MTCL3: variants seen among roughly 807,000 people sequenced by gnomAD.
MTCL3 encodes the protein microtubule cross-linking factor 3.
At chr6:127,475,160 GC>G in the MTCL3 span, 4 of 891,598 alleles carry the variant, frequency 4.5e-6, no homozygotes, top group Non-Finnish European at 6.5e-6. The surrounding 1 kb of genome is among the most constrained non-coding windows in gnomAD (Gnocchi z 7.3). Context: ...GGGGTTTCAG[GC>G]CCCAGCGCGG....
the MTCL3 span, among the ~76,000 whole-genome samples, chr6:127,507,918 T>C: frequency 1.3e-5 from 2 of 151,424 alleles, no homozygotes; most frequent in Non-Finnish European, 2.9e-5. Context: ...GAAGAAAAGC[T>C]TTTCTATGCT....
At chr6:127,486,287 T>C in the MTCL3 span, among the ~76,000 whole-genome samples, 1 of 152,236 alleles carries the variant, frequency 6.6e-6, no homozygotes, top group Non-Finnish European at 1.5e-5. Flanking sequence ...AGCTTTCAGG[T>C]GCCTTTAGGG....
At chr6:127,516,608 G>T in the MTCL3 span, 2 of 1,596,338 alleles carry the variant, frequency 1.3e-6, no homozygotes, top group South Asian at 2.2e-5. Context: ...ATTGGTGGCT[G>T]ACTCATGGCT....
the MTCL3 span, chr6:127,476,361 G>A: frequency 1.4e-5 from 22 of 1,614,038 alleles, no homozygotes; most frequent in Non-Finnish European, 1.9e-5. The surrounding 1 kb of genome is among the most constrained non-coding windows in gnomAD (Gnocchi z 4.4). Flanking sequence ...TCTGGAGCTC[G>A]TGTTCAAATC....
At chr6:127,475,310 G>A in the MTCL3 span, 33 of 1,607,666 alleles carry the variant, frequency 2.1e-5, no homozygotes, top group Admixed American at 1.7e-4. The surrounding 1 kb of genome is among the most constrained non-coding windows in gnomAD (Gnocchi z 7.3). Context: ...ACGGAAATGG[G>A]CTCCTCGGCG....
chr6:127,484,925 C>T, the MTCL3 span, among the ~76,000 whole-genome samples: 3 of 152,158 alleles, frequency 2.0e-5, no homozygotes, highest in African/African-American at 7.2e-5. Context: ...TCAGTTATCT[C>T]TGTGCTCCTC....
chr6:127,475,518 C>T, the MTCL3 span: 85 of 1,613,182 alleles, frequency 5.3e-5, 2 homozygotes, highest in South Asian at 8.9e-4. This position sits in a 1 kb window ranked among gnomAD's most constrained non-coding sequence, Gnocchi z 7.3. Flanking sequence ...TGATGGTGCT[C>T]GTGTCGGCGA....
chr6:127,491,441 A>G, the MTCL3 span, among the ~76,000 whole-genome samples: 16 of 152,348 alleles, frequency 1.1e-4, no homozygotes, highest in Non-Finnish European at 1.9e-4. Flanking sequence ...GACTTGTTGA[A>G]GGCTAAGATG....
At chr6:127,486,324 T>C in the MTCL3 span, among the ~76,000 whole-genome samples, 1 of 152,232 alleles carries the variant, frequency 6.6e-6, no homozygotes, top group Non-Finnish European at 1.5e-5. Flanking sequence ...GTATCACATT[T>C]GCATTTTCAA....
chr6:127,487,536 G>A, the MTCL3 span, among the ~76,000 whole-genome samples: 1 of 152,154 alleles, frequency 6.6e-6, no homozygotes, highest in African/African-American at 2.4e-5. Context: ...GACAGAATGG[G>A]CTCTTGTTCC....
At chr6:127,502,232 C>G in the MTCL3 span, among the ~76,000 whole-genome samples, 1 of 152,262 alleles carries the variant, frequency 6.6e-6, no homozygotes. Context: ...TTATCTTGTG[C>G]TTGACCACTT....
the MTCL3 span, chr6:127,514,795 C>T: frequency 1.3e-6 from 2 of 1,590,004 alleles, no homozygotes; most frequent in Non-Finnish European, 1.7e-6. Context: ...GCCCCTGCCG[C>T]GCGCCATTGA....
At chr6:127,478,910 G>A in the MTCL3 span, among the ~76,000 whole-genome samples, 15 of 151,500 alleles carry the variant, frequency 9.9e-5, no homozygotes, top group Non-Finnish European at 1.8e-4. Context: ...CCAGCTGCTC[G>A]GGAGGCTGAG....
At chr6:127,518,743 C>T in the MTCL3 span, 1 of 152,184 alleles carries the variant, frequency 6.6e-6, no homozygotes. Context: ...TTTGGGCTCG[C>T]TCGCCGCAGT....
the MTCL3 span, among the ~76,000 whole-genome samples, chr6:127,507,209 G>A: frequency 6.6e-6 from 1 of 152,202 alleles, no homozygotes; most frequent in Non-Finnish European, 1.5e-5. Context: ...AACTGGGAAT[G>A]TACTCAACAG....
the MTCL3 span, among the ~76,000 whole-genome samples, chr6:127,501,299 T>G: frequency 6.6e-6 from 1 of 152,320 alleles, no homozygotes; most frequent in South Asian, 2.1e-4. Flanking sequence ...AATAGCTACA[T>G]TTTACCCTTG....
the MTCL3 span, among the ~76,000 whole-genome samples, chr6:127,486,564 A>G: frequency 2.0e-5 from 3 of 152,288 alleles, no homozygotes; most frequent in East Asian, 3.9e-4. Flanking sequence ...GGAGGCCACA[A>G]TGAAATCTCA....
the MTCL3 span, among the ~76,000 whole-genome samples, chr6:127,508,605 T>C: frequency 6.6e-6 from 1 of 152,294 alleles, no homozygotes; most frequent in South Asian, 2.1e-4. Flanking sequence ...AAGAATCTTG[T>C]GTATGGGTGA....
At chr6:127,490,489 T>C in the MTCL3 span, among the ~76,000 whole-genome samples, 99 of 151,940 alleles carry the variant, frequency 6.5e-4, 1 homozygote, top group East Asian at 0.018. Flanking sequence ...TTGAAAATCT[T>C]CTGGAAAGAA....
Sources: allele counts gnomAD v4.1 joint callset (sites outside exome capture counted in the v4.1 genomes callset), GRCh38; gene constraint gnomAD v4.1.1; non-coding constraint Gnocchi (gnomAD v3.1); transcripts MANE v1.5; gene names NCBI Gene and HGNC (gene_info 2026-07-23, HGNC 2026-07-21).